Variants in TEAD3 observed in about 807,000 individuals in gnomAD.
TEAD3 encodes the protein TEA domain transcription factor 3.
TEAD3 carries 15 observed loss-of-function variants against 55.6 expected under a neutral mutation model. The observed-to-expected ratio is 0.27, with a 90% CI of 0.18 to 0.42. TEAD3 has a LOEUF of 0.42. TEAD3 is among the 10% of genes least tolerant of loss of function. The pLI is 1.00. For synonymous variants in TEAD3, 210 were observed against 232.2 expected (o/e 0.90, Z 0.87); for missense variants, 407 against 576.8 (o/e 0.71, Z 3.01).
At position 35,485,651 on chromosome 6, in the gene TEAD3, G is replaced by A. The variant is rs1768359216; in HGVS notation, c.202+810C>T. On this transcript the variant is annotated intron_variant, in intron 2 of 12. Transcript: ENST00000639578. This position sits in a 1 kb window ranked among gnomAD's most constrained non-coding sequence, Gnocchi z 4.3. ...CCCAGCCTGGGAGGCAGCAGTGGGGGCAGACAGCACCCACCCTGTGGAAGG... is the reference window on the plus strand; with the variant it reads ...CCCAGCCTGGGAGGCAGCAGTGGGGACAGACAGCACCCACCCTGTGGAAGG... Among the ~76,000 whole-genome samples, 1 of 152,214 alleles carries A rather than the reference G, an allele frequency of 6.6e-6. No homozygotes were observed. The highest frequency in any genetic ancestry group is 1.5e-5 in the Non-Finnish European group (1 of 68,024).
intron 1 of TEAD3, among the ~76,000 whole-genome samples, chr6:35,493,127 C>G (rs1768565937): frequency 6.6e-6 from 1 of 152,172 alleles, no homozygotes; most frequent in Non-Finnish European, 1.5e-5. Context: ...AGTTGCGTCA[C>G]AGCCACTGTC....
At chr6:35,490,194 C>T (rs565833482) in intron 1 of TEAD3, among the ~76,000 whole-genome samples, 4 of 152,198 alleles carry the variant, frequency 2.6e-5, no homozygotes, top group African/African-American at 7.2e-5. Context: ...TGTGGCCCCC[C>T]CTTCTTAGGG....
Position 35,486,627 on chromosome 6 carries a change from G to C in TEAD3, c.36C>G (p.Pro12=). 6.2e-7 allele frequency: 1 copy of C among 1,613,032 alleles called. No individual in the cohort carries two copies. The highest frequency in any genetic ancestry group is 8.5e-7 in the Non-Finnish European group (1 of 1,179,740). ...CGGGCCCATCCTCCCGGGCCTCCCCGGGGCTGCTGCTGGCGTTCCAGCTGT... is the reference window on the plus strand; with the variant it reads ...CGGGCCCATCCTCCCGGGCCTCCCCCGGGCTGCTGCTGGCGTTCCAGCTGT... Residue 12 remains proline, a synonymous_variant, in exon 2 of 13, where the codon CCC becomes CCG. Coordinates refer to ENST00000639578, the Ensembl canonical transcript of TEAD3. This position sits in a 1 kb window ranked among gnomAD's most constrained non-coding sequence, Gnocchi z 7.3.
rs528089987 is a variant in TEAD3, at chr6:35,475,906, CA to C, written c.900+12del. On this transcript the variant is annotated intron_variant, in intron 10 of 12. Coordinates refer to ENST00000639578, the Ensembl canonical transcript of TEAD3. This position sits in a 1 kb window ranked among gnomAD's most constrained non-coding sequence, Gnocchi z 5.4. ...GAAGGGGGCTTGGAGCAGAGAAGGC[CA>C]GGGGGACTCACCCAGAACTTGACAA... is the stretch of plus-strand genomic sequence containing the variant. 2.9e-4 allele frequency: 438 copies of C among 1,520,750 alleles called. 2 individuals carry two copies. The African/African-American group carries it at 5.4e-3, about 19-fold the overall frequency. 94.2% of individuals were successfully genotyped at this position (1,520,750 alleles called of 1,614,324 possible). A position where few individuals can be genotyped will look rare whatever the true frequency, so the allele number is the denominator to read the frequency against.
At position 35,484,547 on chromosome 6, in the gene TEAD3, A is replaced by G; in HGVS notation, c.267+13T>C. 6.3e-7 allele frequency: 1 copy of G among 1,597,234 alleles called. No homozygotes were observed. Among genetic ancestry groups the G allele is most frequent in the South Asian group, 1.1e-5 (1 of 88,014 alleles). On this transcript the variant is annotated intron_variant, in intron 3 of 12. Transcript: ENST00000639578. This position sits in a 1 kb window ranked among gnomAD's most constrained non-coding sequence, Gnocchi z 5.8. ...TGTGTGGGTGGCAGGCCCAGCATAA[A>G]CCGTCTCTCTACCTGTTTTCTCGTC...
At chr6:35,478,371 C>G (rs759649574) in intron 6 of TEAD3, 47 bp from the exon 7 acceptor site, 1 of 1,613,592 alleles carries the variant, frequency 6.2e-7, no homozygotes, top group Non-Finnish European at 8.5e-7. Context: ...ATCCATGAAC[C>G]CCACTAAAGC....
chr6:35,479,386 T>A, intron 4 of TEAD3, 70 bp from the exon 5 acceptor site: 2 of 1,590,578 alleles, frequency 1.3e-6, no homozygotes, highest in Non-Finnish European at 1.7e-6. Context: ...GAGGGACGTC[T>A]TTGCGCCTAC....
At chr6:35,476,908 C>T (rs773266151) in intron 8 of TEAD3, among the ~76,000 whole-genome samples, 3 of 152,182 alleles carry the variant, frequency 2.0e-5, no homozygotes, top group African/African-American at 4.8e-5. Flanking sequence ...CTGCAACCTC[C>T]ACCCACTGGG....
At chr6:35,482,265 C>T (rs374754248) in intron 3 of TEAD3, among the ~76,000 whole-genome samples, 2 of 151,944 alleles carry the variant, frequency 1.3e-5, no homozygotes, top group African/African-American at 2.4e-5. Context: ...GATTACAGGT[C>T]GAAAGTAAAT....
At position 35,496,334 on chromosome 6, in the gene TEAD3, A is replaced by G. The variant is rs1768652486; in HGVS notation, c.-50+564T>C. Among the ~76,000 whole-genome samples, 1 of 152,104 alleles carries G rather than the reference A, an allele frequency of 6.6e-6. No homozygotes were observed. The highest frequency in any genetic ancestry group is 6.5e-5 in the Admixed American group (1 of 15,284). On this transcript the variant is annotated intron_variant, in intron 1 of 12. Transcript: ENST00000639578. The surrounding 1 kb of genome is among the most constrained non-coding windows in gnomAD (Gnocchi z 4.8). ...TGAGCCCCTCCCTGCCTCTCAGGGG[A>G]CACACGGCCGGGGCGCGCGGCTTTG...
chr6:35,473,675 C>A (rs1417694946), downstream of TEAD3: 1 of 138,466 alleles, frequency 7.2e-6, no homozygotes, highest in African/African-American at 2.9e-5. Flanking sequence ...CCTTTGAGGG[C>A]CCCTGCTCCA....
chr6:35,479,437 A>T, intron 4 of TEAD3, 121 bp from the exon 5 acceptor site: 1 of 1,283,012 alleles, frequency 7.8e-7, no homozygotes, highest in Non-Finnish European at 1.1e-6. Context: ...CGAGGAGCCC[A>T]AGGAAGCTCA....
In TEAD3 at chr6:35,475,842, T is replaced by G; in HGVS notation, c.900+77A>C. ...CATGAGGATGCAGCAGGGTCAGAGG[T>G]CAATGCAGTGGGCCTGGATGTTGCA... On this transcript the variant is annotated intron_variant, in intron 10 of 12. Transcript: ENST00000639578. The surrounding 1 kb of genome is among the most constrained non-coding windows in gnomAD (Gnocchi z 5.4). 2 of 1,499,114 alleles carry G rather than the reference T, an allele frequency of 1.3e-6. No homozygotes were observed. Among genetic ancestry groups the G allele is most frequent in the Non-Finnish European group, 1.8e-6 (2 of 1,122,698 alleles). The allele number at this position is 1,499,114 out of a possible 1,614,324, so 92.9% of individuals were successfully genotyped here.
In TEAD3 at chr6:35,491,531, C is replaced by T. The variant is rs574269443; in HGVS notation, c.-49-4820G>A. On this transcript the variant is annotated intron_variant, in intron 1 of 12. Transcript: ENST00000639578. The surrounding 1 kb of genome is among the most constrained non-coding windows in gnomAD (Gnocchi z 4.4). ...CTGGGGCTGGCCACCATCCAGGACACCCCCACTCCCATCTCAGGGGCTCCT... is the reference window on the plus strand; with the variant it reads ...CTGGGGCTGGCCACCATCCAGGACATCCCCACTCCCATCTCAGGGGCTCCT... Among the ~76,000 whole-genome samples the T allele has an allele frequency of 6.6e-6, 1 of 152,272 alleles. No individual in the cohort carries two copies. The highest frequency in any genetic ancestry group is 1.9e-4 in the East Asian group (1 of 5,180).
rs935516416 is a variant in TEAD3 at position 35,476,499 on chromosome 6, C to T, written c.593-64G>A. 14 of 1,589,250 alleles carry T rather than the reference C, an allele frequency of 8.8e-6. No homozygotes were observed. In the Admixed American group the frequency reaches 1.7e-4, roughly 20 times the overall value. On this transcript the variant is annotated intron_variant, in intron 8 of 12. Transcript: ENST00000639578. Reference sequence around the variant, plus strand: ...TGCAGGTGCTTACTGACAAAGCTGCCCCCAGCTTGCAAAGGTGCCCCTTTT... The same window carrying T: ...TGCAGGTGCTTACTGACAAAGCTGCTCCCAGCTTGCAAAGGTGCCCCTTTT...
chr6:35,486,823 G>C lies in TEAD3; in HGVS notation c.-49-112C>G. 2 of 711,714 alleles carry C rather than the reference G, an allele frequency of 2.8e-6. No homozygotes were observed. The highest frequency in any genetic ancestry group is 4.6e-6 in the Non-Finnish European group (2 of 438,260). 44.1% of individuals were successfully genotyped at this position (711,714 alleles called of 1,614,324 possible). A position where few individuals can be genotyped will look rare whatever the true frequency, so the allele number is the denominator to read the frequency against. ...CGCCCCCAGCCCCAAGCCCACCCTA[G>C]GAGCAGGTGCTCCAGGTGGAACGGA... On this transcript the variant is annotated intron_variant, in intron 1 of 12. Coordinates refer to ENST00000639578, the Ensembl canonical transcript of TEAD3. This position sits in a 1 kb window ranked among gnomAD's most constrained non-coding sequence, Gnocchi z 7.3.
chr6:35,492,566 A>T (rs1768548821), intron 1 of TEAD3, among the ~76,000 whole-genome samples: 1 of 152,046 alleles, frequency 6.6e-6, no homozygotes, highest in Non-Finnish European at 1.5e-5. Flanking sequence ...CAATTTGCAG[A>T]GCCCACTAGG....
At chr6:35,479,201 T>C (rs1029843212) in intron 5 of TEAD3, 104 bp downstream of exon 5, 52 of 1,473,554 alleles carry the variant, frequency 3.5e-5, no homozygotes, top group Non-Finnish European at 4.7e-5. Flanking sequence ...AAAATGAGGC[T>C]TGCACACCTA....
Position 35,486,036 on chromosome 6 carries a change from G to T in TEAD3, c.202+425C>A, listed in dbSNP as rs1030797970. ...AGCCCCAACGCAGGCCTTTGTCCCC[G>T]TGCGACCTCCCACAGCCCGCACTGG... On this transcript the variant is annotated intron_variant, in intron 2 of 12. Coordinates refer to ENST00000639578, the Ensembl canonical transcript of TEAD3. This position sits in a 1 kb window ranked among gnomAD's most constrained non-coding sequence, Gnocchi z 7.3. Among the ~76,000 whole-genome samples the T allele has an allele frequency of 2.6e-5, 4 of 152,188 alleles. No individual in the cohort carries two copies. The highest frequency in any genetic ancestry group is 2.6e-4 in the Admixed American group (4 of 15,288).
Sources: allele counts gnomAD v4.1 joint callset (sites outside exome capture counted in the v4.1 genomes callset), GRCh38; gene constraint gnomAD v4.1.1; non-coding constraint Gnocchi (gnomAD v3.1); transcripts MANE v1.5; gene names NCBI Gene and HGNC (gene_info 2026-07-23, HGNC 2026-07-21).